Variants in ANKRD39 observed in about 807,000 individuals in gnomAD.
ANKRD39 encodes the protein ankyrin repeat domain 39.
In ANKRD39, 18 loss-of-function variants were observed where a neutral mutation model predicts 20.3. That is an observed-to-expected ratio of 0.89 (90% CI 0.61 to 1.32). ANKRD39 has a LOEUF of 1.32. Among genes scored for constraint, ANKRD39 ranks in the 40% most tolerant of loss-of-function variants. The pLI is 0.00. For synonymous variants in ANKRD39, 106 were observed against 111.9 expected, an observed-to-expected ratio of 0.95 and a Z score of 0.33; for missense variants, 243 against 250.7, an observed-to-expected ratio of 0.97 and a Z score of 0.21.
intron 3 of ANKRD39, among the ~76,000 whole-genome samples, chr2:96,852,485 A>G (rs1574135588): frequency 2.8e-5 from 3 of 105,308 alleles, no homozygotes; most frequent in African/African-American, 3.7e-5. Flanking sequence ...AGAAAACTGG[A>G]GGGGTGGGGA....
chr2:96,856,506 C>T (rs985169316), intron 1 of ANKRD39, among the ~76,000 whole-genome samples: 8 of 149,552 alleles, frequency 5.3e-5, no homozygotes, highest in African/African-American at 1.5e-4. Context: ...ATGGATACAT[C>T]AGAGTAACTG....
At chr2:96,856,346 C>T (rs555544586) in intron 1 of ANKRD39, among the ~76,000 whole-genome samples, 4 of 151,724 alleles carry the variant, frequency 2.6e-5, no homozygotes, top group Non-Finnish European at 4.4e-5. Flanking sequence ...TCGTGGCACA[C>T]GCCTGTAATC....
rs2079848775 is a variant in ANKRD39 at position 96,853,529 on chromosome 2, T to C, written c.280A>G (p.Thr94Ala). 1 of 1,613,274 alleles carries C rather than the reference T, an allele frequency of 6.2e-7. No individual in the cohort carries two copies. The highest frequency in any genetic ancestry group is 8.5e-7 in the Non-Finnish European group (1 of 1,179,950). ...TGCAGAGCAGTGGCACCCCCGTGGG[T>C]CTGGGCATCACACTTAGCTCCGCTT... The part of the protein sequence containing the change: ...LESGAKCDAQ[T>A]HGGATALHRA... The change falls in exon 3 of 4, where the codon ACC becomes GCC. Residue 94 changes from threonine to alanine, a missense_variant. Coordinates refer to ENST00000393537, the MANE Select transcript of ANKRD39 (RefSeq NM_016466.6).
intron 1 of ANKRD39, among the ~76,000 whole-genome samples, chr2:96,855,722 CAAA>C (rs566045028): frequency 3.3e-5 from 3 of 91,314 alleles, no homozygotes; most frequent in African/African-American, 3.7e-5. Flanking sequence ...GACTCCGTCT[CAAA>C]AAAAAAAAAA....
intron 1 of ANKRD39, among the ~76,000 whole-genome samples, chr2:96,855,549 C>T (rs1239158325): frequency 6.6e-6 from 1 of 152,012 alleles, no homozygotes; most frequent in Non-Finnish European, 1.5e-5. Flanking sequence ...AGAGTAAAAC[C>T]CCGTCTCTAC....
chr2:96,854,651 G>C (rs1244723996), intron 1 of ANKRD39, among the ~76,000 whole-genome samples: 1 of 152,240 alleles, frequency 6.6e-6, no homozygotes, highest in African/African-American at 2.4e-5. Flanking sequence ...CATCAGGACA[G>C]TAGGACTGGG....
At chr2:96,850,676 CAAAACAAAAAAA>C (rs1048493758) in intron 3 of ANKRD39, among the ~76,000 whole-genome samples, 1 of 147,284 alleles carries the variant, frequency 6.8e-6, no homozygotes, top group African/African-American at 2.5e-5. Flanking sequence ...AAAAACAAAA[CAAAACAAAAAAA>C]AAAACAAAAA....
intron 3 of ANKRD39, among the ~76,000 whole-genome samples, chr2:96,852,743 T>C (rs868412392): frequency 6.6e-6 from 1 of 152,122 alleles, no homozygotes; most frequent in Non-Finnish European, 1.5e-5. Context: ...ATGCCACATA[T>C]GCATAGACCG....
rs1348549597 is a variant in ANKRD39, at chr2:96,857,916, C to G, written c.72G>C (p.Gln24His). 6.3e-7 allele frequency: 1 copy of G among 1,584,996 alleles called. No homozygotes were observed. Among genetic ancestry groups the G allele is most frequent in the Admixed American group, 1.7e-5 (1 of 57,708 alleles). ...SHPSAVLGVQ[Q>H]TLEEMDFERG... The stretch of plus-strand genomic sequence containing the variant: ...TCTCGAAGTCCATCTCCTCCAGCGT[C>G]TGCTGTACGCCGAGCACCGCGCTGG... The change falls in exon 1 of 4, where the codon CAG becomes CAC. Residue 24 changes from glutamine to histidine, a missense_variant. Transcript: ENST00000393537.
intron 3 of ANKRD39, among the ~76,000 whole-genome samples, chr2:96,850,392 C>T (rs1053783451): frequency 1.8e-4 from 27 of 152,248 alleles, no homozygotes; most frequent in Non-Finnish European, 2.5e-4. Flanking sequence ...AGGCCAGGTG[C>T]GGTGGCTCAC....
intron 3 of ANKRD39, among the ~76,000 whole-genome samples, chr2:96,852,369 A>G (rs1475079468): frequency 7.0e-6 from 1 of 141,998 alleles, no homozygotes. Flanking sequence ...CCTGGGTGAC[A>G]GAGTGAGACC....
rs1160792688 is a variant in ANKRD39, at chr2:96,853,558, A to G, written c.251T>C (p.Leu84Pro). 2 of 1,612,890 alleles carry G rather than the reference A, an allele frequency of 1.2e-6. No homozygotes were observed. Among genetic ancestry groups the G allele is most frequent in the South Asian group, 2.2e-5 (2 of 91,008 alleles). ...NGHYAVCQFLLESGAKCDAQT... is the reference protein window; with the variant it reads ...NGHYAVCQFLPESGAKCDAQT... ...GGCATCACACTTAGCTCCGCTTTCC[A>G]GCAGGAACTGGCACACAGCGTAGTG... The change falls in exon 3 of 4, where the codon CTG becomes CCG. Residue 84 changes from leucine to proline, a missense_variant. Leu to Pro is a moderately conservative substitution (Grantham distance 98). Transcript: ENST00000393537.
At chr2:96,854,310 C>T (rs753163412) in intron 2 of ANKRD39, 28 bp downstream of exon 2, 33 of 1,608,766 alleles carry the variant, frequency 2.1e-5, no homozygotes, top group African/African-American at 4.0e-5. Flanking sequence ...GCTTCTGTCT[C>T]CTGACCCTGT....
chr2:96,853,565 A>T lies in ANKRD39; in HGVS notation c.244T>A (p.Phe82Ile). ...CACTTAGCTCCGCTTTCCAGCAGGA[A>T]CTGGCACACAGCGTAGTGCCCATTG... ...SRNGHYAVCQFLLESGAKCDA... is the reference protein window; with the variant it reads ...SRNGHYAVCQILLESGAKCDA... The change falls in exon 3 of 4, where the codon TTC becomes ATC. Residue 82 changes from phenylalanine to isoleucine, a missense_variant. By Grantham distance (21) the Phe-to-Ile change is conservative. Coordinates refer to ENST00000393537, the MANE Select transcript of ANKRD39 (RefSeq NM_016466.6). The T allele has an allele frequency of 6.2e-7, 1 of 1,612,746 alleles. No homozygotes were observed. Among genetic ancestry groups the T allele is most frequent in the Admixed American group, 1.7e-5 (1 of 60,022 alleles).
chr2:96,853,334 T>C, intron 3 of ANKRD39, 67 bp downstream of exon 3: 2 of 1,496,294 alleles, frequency 1.3e-6, no homozygotes, highest in Non-Finnish European at 1.8e-6. Flanking sequence ...CCCCATGTTT[T>C]CTACATGAAC....
At chr2:96,857,843 G>A in intron 1 of ANKRD39, 45 bp downstream of exon 1, 2 of 1,530,246 alleles carry the variant, frequency 1.3e-6, no homozygotes, top group South Asian at 2.4e-5. Context: ...CTCCTCCTTG[G>A]GCCGGGGCCT....
At chr2:96,857,189 C>T (rs1216910593) in intron 1 of ANKRD39, among the ~76,000 whole-genome samples, 1 of 152,108 alleles carries the variant, frequency 6.6e-6, no homozygotes, top group East Asian at 1.9e-4. Flanking sequence ...GCCAGAACCA[C>T]GGTAAAGGAA....
At chr2:96,848,502 C>T (rs777412788) in intron 3 of ANKRD39, 58 bp from the exon 4 acceptor site, 3 of 1,592,718 alleles carry the variant, frequency 1.9e-6, no homozygotes, top group Non-Finnish European at 2.6e-6. Flanking sequence ...TCTGCTCTCT[C>T]TTGTTCCACT....
intron 1 of ANKRD39, among the ~76,000 whole-genome samples, chr2:96,855,912 G>A (rs970604480): frequency 6.6e-6 from 1 of 151,964 alleles, no homozygotes; most frequent in Non-Finnish European, 1.5e-5. Flanking sequence ...CCTGGGAGGT[G>A]GAGCTTGCAG....
Sources: allele counts gnomAD v4.1 joint callset (sites outside exome capture counted in the v4.1 genomes callset), GRCh38; gene constraint gnomAD v4.1.1; transcripts MANE v1.5; gene names NCBI Gene and HGNC (gene_info 2026-07-23, HGNC 2026-07-21).